The following SDK1 variants were observed in gnomAD, a reference collection of about 807,000 sequenced individuals.
SDK1 encodes protein sidekick-1.
SDK1 carries 157 observed loss-of-function variants against 245.5 expected under a neutral mutation model. The ratio of observed to expected loss-of-function variants is 0.64; its 90% confidence interval spans 0.56 to 0.73. The LOEUF (loss-of-function observed/expected upper bound fraction) is 0.73, where lower values mean the gene tolerates loss of function less well. Among genes scored for constraint, SDK1 ranks in the 30% least tolerant of loss-of-function variants. The probability of loss-of-function intolerance (pLI) is 0.00; values close to 1 mark genes in which losing one functional copy is unlikely to be tolerated. For missense variants in SDK1, 3,583 were observed against 3,002.3 expected (o/e 1.19, Z -4.52); for synonymous variants, 1,647 against 1,278.5 (o/e 1.29, Z -6.15).
intron 4 of SDK1, among the ~76,000 whole-genome samples, chr7:3,644,492 C>T (rs988708115): frequency 7.3e-5 from 11 of 151,594 alleles, no homozygotes; most frequent in South Asian, 4.2e-4. Context: ...GGGCCATTTG[C>T]GGTGGCTTGT....
chr7:3,773,828 A>G (rs1316161003), intron 4 of SDK1, among the ~76,000 whole-genome samples: 2 of 152,144 alleles, frequency 1.3e-5, no homozygotes, highest in Non-Finnish European at 2.9e-5. Flanking sequence ...GCACTTCCTA[A>G]TTTTCCTCAT....
chr7:3,966,369 T>A (rs543392846), intron 9 of SDK1, among the ~76,000 whole-genome samples: 1 of 152,104 alleles, frequency 6.6e-6, no homozygotes, highest in African/African-American at 2.4e-5. Flanking sequence ...CACAGAAGAC[T>A]TGAGAGACAC....
chr7:3,723,773 C>T (rs1358956528), intron 4 of SDK1, among the ~76,000 whole-genome samples: 4 of 149,800 alleles, frequency 2.7e-5, no homozygotes, highest in East Asian at 2.0e-4. Flanking sequence ...TACATATACA[C>T]GTGTATATAC....
chr7:4,038,440 A>G (rs1788372026), intron 17 of SDK1, among the ~76,000 whole-genome samples: 2 of 152,148 alleles, frequency 1.3e-5, no homozygotes, highest in South Asian at 4.1e-4. Flanking sequence ...ATTCAAACTC[A>G]TGCCATACAC....
At chr7:3,564,998 C>T (rs1221174892) in intron 1 of SDK1, among the ~76,000 whole-genome samples, 1 of 151,828 alleles carries the variant, frequency 6.6e-6, no homozygotes, top group Non-Finnish European at 1.5e-5. Flanking sequence ...GGATCAGGTA[C>T]TTTAAAAGTT....
chr7:3,779,500 GTTTATA>G (rs1780661892), intron 4 of SDK1, among the ~76,000 whole-genome samples: 2 of 151,196 alleles, frequency 1.3e-5, no homozygotes, highest in African/African-American at 4.9e-5. Context: ...AATCTGACCT[GTTTATA>G]TTTAAACATC....
At chr7:3,490,184 T>G (rs768753721) in intron 1 of SDK1, among the ~76,000 whole-genome samples, 1 of 152,226 alleles carries the variant, frequency 6.6e-6, no homozygotes, top group Non-Finnish European at 1.5e-5. Context: ...ATGTTGTAAC[T>G]GCTAGGTTCT....
In SDK1 at chr7:3,519,434, CT is replaced by C. The variant is rs200266432; in HGVS notation, c.299-99644del. Among the ~76,000 whole-genome samples, 1,361 of 152,086 alleles carry C rather than the reference CT, an allele frequency of 8.9e-3. 25 individuals carry two copies. Among genetic ancestry groups the C allele is most frequent in the African/African-American group, 0.031 (1,267 of 41,470 alleles). On this transcript the variant is annotated intron_variant, in intron 1 of 44. Transcript: ENST00000404826. ...GTCAAATAAAAATAAAAGTGTGAGC[CT>C]TGCTACCCAACAATTACACTTTTGG... is the stretch of plus-strand genomic sequence containing the variant.
At chr7:3,518,697 C>A (rs1013581205) in intron 1 of SDK1, among the ~76,000 whole-genome samples, 3 of 151,804 alleles carry the variant, frequency 2.0e-5, no homozygotes, top group African/African-American at 4.8e-5. Context: ...GGCAATGATA[C>A]GGAGAAAAGG....
chr7:3,841,241 G>A (rs1181192808), intron 5 of SDK1, among the ~76,000 whole-genome samples: 2 of 152,174 alleles, frequency 1.3e-5, no homozygotes, highest in Admixed American at 6.5e-5. Context: ...GAGGGGGGCC[G>A]AGACCCAGAG....
chr7:3,693,671 C>T (rs1446864889), intron 4 of SDK1, among the ~76,000 whole-genome samples: 1 of 151,976 alleles, frequency 6.6e-6, no homozygotes, highest in East Asian at 1.9e-4. Flanking sequence ...TTATCTTTCT[C>T]TCTTGGAGAT....
Position 3,615,613 on chromosome 7 carries a change from C to T in SDK1, c.299-3467C>T, listed in dbSNP as rs949691938. 2.0e-5 allele frequency among the ~76,000 whole-genome samples: 3 copies of T among 151,864 alleles called. No individual in the cohort carries two copies. The South Asian group carries it at 6.2e-4, about 32-fold the overall frequency. ...GCTGATTACAGAGGCTGGTACATAG[C>T]ATCAGTGCATGTTTATTGAACAGAA... On this transcript the variant is annotated intron_variant, in intron 1 of 44. Transcript: ENST00000404826.
intron 37 of SDK1, among the ~76,000 whole-genome samples, chr7:4,208,722 C>T (rs1463710105): frequency 6.6e-6 from 1 of 152,198 alleles, no homozygotes; most frequent in African/African-American, 2.4e-5. Context: ...GACGGGAATT[C>T]CCCTGGGTCT....
chr7:3,370,469 A>G (rs1465905261), intron 1 of SDK1, among the ~76,000 whole-genome samples: 15 of 152,244 alleles, frequency 9.9e-5, no homozygotes, highest in Admixed American at 3.9e-4. Flanking sequence ...GCAGCCTGTA[A>G]TCTGAGTCCA....
intron 4 of SDK1, among the ~76,000 whole-genome samples, chr7:3,747,325 ACTGT>A (rs1376134114): frequency 2.0e-5 from 3 of 152,108 alleles, no homozygotes; most frequent in Non-Finnish European, 4.4e-5. Flanking sequence ...CATAACAACC[ACTGT>A]CTGTGTGTAC....
At chr7:3,764,325 C>A (rs1225600360) in intron 4 of SDK1, among the ~76,000 whole-genome samples, 13 of 152,128 alleles carry the variant, frequency 8.5e-5, no homozygotes, top group Non-Finnish European at 4.4e-5. Context: ...CAAAATACCC[C>A]CCTTTTTTAC....
intron 32 of SDK1, among the ~76,000 whole-genome samples, chr7:4,162,307 A>T (rs1781185598): frequency 6.6e-6 from 1 of 151,570 alleles, no homozygotes; most frequent in South Asian, 2.1e-4. Flanking sequence ...TATCTACCGG[A>T]TTGTACATAT....
At chr7:4,110,864 T>C in intron 23 of SDK1, 92 bp downstream of exon 23, 1 of 833,396 alleles carries the variant, frequency 1.2e-6, no homozygotes, top group Non-Finnish European at 2.1e-6. Flanking sequence ...CAGTCGTACG[T>C]ATGCAAATCA....
At chr7:3,801,565 G>C (rs996585581) in intron 4 of SDK1, among the ~76,000 whole-genome samples, 5 of 152,178 alleles carry the variant, frequency 3.3e-5, no homozygotes, top group African/African-American at 1.2e-4. Context: ...TGAGCAACCA[G>C]ATCATCAGGT....
Sources: allele counts gnomAD v4.1 joint callset (sites outside exome capture counted in the v4.1 genomes callset), GRCh38; gene constraint gnomAD v4.1.1; transcripts MANE v1.5; gene names NCBI Gene and HGNC (gene_info 2026-07-23, HGNC 2026-07-21).